CAMTA1: variants seen among roughly 807,000 people sequenced by gnomAD.
CAMTA1 encodes the protein calmodulin-binding transcription activator 1.
In CAMTA1, 27 loss-of-function variants were observed where a neutral mutation model predicts 170.9. The observed-to-expected ratio is 0.16, with a 90% CI of 0.12 to 0.22. CAMTA1 has a LOEUF of 0.22. Among genes scored for constraint, CAMTA1 ranks in the 10% least tolerant of loss-of-function variants. The pLI, the probability that CAMTA1 is intolerant of heterozygous loss-of-function variation, is 1.00. For missense variants in CAMTA1, 1,619 were observed against 2,217.2 expected (o/e 0.73, Z 5.42); for synonymous variants, 833 against 891.5 (o/e 0.93, Z 1.17).
At chr1:7,207,450 T>G (rs1480531998) in intron 4 of CAMTA1, among the ~76,000 whole-genome samples, 1 of 152,350 alleles carries the variant, frequency 6.6e-6, no homozygotes, top group East Asian at 1.9e-4. Flanking sequence ...GTTTTCTTCT[T>G]GTTTTAAAAA....
rs1253768641 is a variant in CAMTA1 at position 6,795,185 on chromosome 1, T to C, written c.45+9610T>C. The stretch of plus-strand genomic sequence containing the variant: ...CAAATGTGACTTCTTTTAAAACTTA[T>C]TTTATCTTACTTTTTTTTAGAGACA... On this transcript the variant is annotated intron_variant, in intron 1 of 22. Transcript: ENST00000303635. Among the ~76,000 whole-genome samples the C allele has an allele frequency of 2.0e-5, 3 of 152,134 alleles. No homozygotes were observed. In the East Asian group the frequency reaches 5.8e-4, roughly 29 times the overall value.
chr1:7,247,866 C>T (rs545647504), intron 4 of CAMTA1, among the ~76,000 whole-genome samples: 1 of 152,232 alleles, frequency 6.6e-6, no homozygotes, highest in East Asian at 1.9e-4. Flanking sequence ...GTAAGGTTTC[C>T]AATGCAGACT....
intron 4 of CAMTA1, among the ~76,000 whole-genome samples, chr1:7,208,903 C>T (rs1658248338): frequency 6.6e-6 from 1 of 152,168 alleles, no homozygotes; most frequent in Non-Finnish European, 1.5e-5. Flanking sequence ...GTATAGAAAG[C>T]TATGTGCTAC....
chr1:6,856,525 C>G (rs900835294), intron 3 of CAMTA1, among the ~76,000 whole-genome samples: 1 of 151,888 alleles, frequency 6.6e-6, no homozygotes, highest in African/African-American at 2.4e-5. Flanking sequence ...CTATTCTAGT[C>G]ACTGGGGGGA....
At chr1:7,687,148 A>C (rs1166251127) in intron 11 of CAMTA1, among the ~76,000 whole-genome samples, 2 of 151,782 alleles carry the variant, frequency 1.3e-5, no homozygotes, top group African/African-American at 4.8e-5. Flanking sequence ...AGACTCCGTG[A>C]AACAGCACAG....
intron 6 of CAMTA1, among the ~76,000 whole-genome samples, chr1:7,639,510 C>T (rs1447799291): frequency 6.6e-6 from 1 of 152,146 alleles, no homozygotes; most frequent in Non-Finnish European, 1.5e-5. Context: ...CGGTGGCTCA[C>T]GCCTGTCATC....
intron 4 of CAMTA1, among the ~76,000 whole-genome samples, chr1:7,094,442 T>C (rs1276684808): frequency 6.6e-6 from 1 of 152,252 alleles, no homozygotes; most frequent in Non-Finnish European, 1.5e-5. Context: ...TTAATAAAAA[T>C]GAATTGCACC....
chr1:7,303,273 G>T (rs977051234), intron 5 of CAMTA1, among the ~76,000 whole-genome samples: 1 of 152,092 alleles, frequency 6.6e-6, no homozygotes, highest in African/African-American at 2.4e-5. Flanking sequence ...CACAAGCTTT[G>T]AATTAAAGAA....
rs34282545 is a variant in CAMTA1 at position 7,033,588 on chromosome 1, CTTTTTTTTTTTTT to C, written c.235-57706_235-57694del. On this transcript the variant is annotated intron_variant, in intron 3 of 22. Coordinates refer to ENST00000303635, the MANE Select transcript of CAMTA1 (RefSeq NM_015215.4). ...GTACATGTTTATTCTTGTAAATATT[CTTTTTTTTTTTTT>C]TTTTTTTTTGATACAGAGTCTCACT... is the stretch of plus-strand genomic sequence containing the variant. Among the ~76,000 whole-genome samples, 6 of 95,130 alleles carry C rather than the reference CTTTTTTTTTTTTT, an allele frequency of 6.3e-5. No homozygotes were observed. The Admixed American group carries it at 7.0e-4, about 11-fold the overall frequency. 62.4% of individuals were successfully genotyped at this position (95,130 alleles called of 152,430 possible).
intron 7 of CAMTA1, among the ~76,000 whole-genome samples, chr1:7,656,541 G>A (rs1050228003): frequency 5.3e-5 from 8 of 152,220 alleles, no homozygotes; most frequent in African/African-American, 1.7e-4. Context: ...GGATTTGGTG[G>A]GGGACACAAT....
chr1:7,486,058 G>A (rs1237685239), intron 6 of CAMTA1, among the ~76,000 whole-genome samples: 6 of 152,182 alleles, frequency 3.9e-5, no homozygotes, highest in Admixed American at 2.6e-4. Context: ...CAGAAGTGAC[G>A]TTTGCATATA....
chr1:7,409,485 G>A (rs957814259), intron 5 of CAMTA1, among the ~76,000 whole-genome samples: 7 of 152,288 alleles, frequency 4.6e-5, no homozygotes, highest in Non-Finnish European at 1.0e-4. Flanking sequence ...CCCACGCCCC[G>A]CCCTTGAGGG....
In CAMTA1 at chr1:6,793,989, TAGAA is replaced by T. The variant is rs374145710; in HGVS notation, c.45+8420_45+8423del. 4.5e-3 allele frequency among the ~76,000 whole-genome samples: 679 copies of T among 151,630 alleles called. 2 individuals carry two copies. The highest frequency in any genetic ancestry group is 0.012 in the Admixed American group (184 of 15,238). On this transcript the variant is annotated intron_variant, in intron 1 of 22. Coordinates refer to ENST00000303635, the MANE Select transcript of CAMTA1 (RefSeq NM_015215.4). The stretch of plus-strand genomic sequence containing the variant: ...TGGTACAAAGTGTGAAATTATCAGA[TAGAA>T]AGAAAAAAGATGTTATAGTGGAAAA...
intron 3 of CAMTA1, among the ~76,000 whole-genome samples, chr1:7,005,075 A>G (rs1311717230): frequency 6.6e-6 from 1 of 152,222 alleles, no homozygotes. Context: ...TCCGGCCTCA[A>G]AGTTTTTTAG....
intron 3 of CAMTA1, among the ~76,000 whole-genome samples, chr1:6,950,442 G>C (rs1252061967): frequency 1.3e-5 from 2 of 152,148 alleles, no homozygotes; most frequent in East Asian, 1.9e-4. Context: ...TCTGTGCCAG[G>C]CTTCCTCCCA....
intron 5 of CAMTA1, 146 bp from the exon 6 acceptor site, chr1:7,467,684 G>A: frequency 2.6e-6 from 2 of 782,118 alleles, no homozygotes; most frequent in Admixed American, 3.6e-5. Flanking sequence ...TCTTGGAGCT[G>A]GAGCCAGACG....
chr1:7,196,328 C>T (rs942381078), intron 4 of CAMTA1, among the ~76,000 whole-genome samples: 1 of 152,150 alleles, frequency 6.6e-6, no homozygotes, highest in African/African-American at 2.4e-5. Context: ...GTCAACTAAA[C>T]CTCCTTTCTT....
rs151307570 is a variant in CAMTA1, at chr1:7,528,425, G to A, written c.510+60524G>A. ...AAAGTTAACCACAGCTAATATTTTG[G>A]TTTTTTAAAAAAAAAAAATCTTTCT... On this transcript the variant is annotated intron_variant, in intron 6 of 22. Coordinates refer to ENST00000303635, the MANE Select transcript of CAMTA1 (RefSeq NM_015215.4). Among the ~76,000 whole-genome samples the A allele has an allele frequency of 2.4e-3, 362 of 151,520 alleles. 1 individual carries two copies. Among genetic ancestry groups the A allele is most frequent in the African/African-American group, 8.4e-3 (345 of 41,280 alleles).
intron 5 of CAMTA1, among the ~76,000 whole-genome samples, chr1:7,361,274 G>T (rs564602295): frequency 6.6e-6 from 1 of 152,326 alleles, no homozygotes; most frequent in East Asian, 1.9e-4. Context: ...GATATCTGCT[G>T]AGCTGTGAGC....
Sources: allele counts gnomAD v4.1 joint callset (sites outside exome capture counted in the v4.1 genomes callset), GRCh38; gene constraint gnomAD v4.1.1; transcripts MANE v1.5; gene names NCBI Gene and HGNC (gene_info 2026-07-23, HGNC 2026-07-21).